The following ARB2A variants were observed in gnomAD, a reference collection of about 807,000 sequenced individuals.
ARB2A encodes ARB2 cotranscriptional regulator A.
At chr5:93,770,972 C>T in the ARB2A span, among the ~76,000 whole-genome samples, 2 of 151,982 alleles carry the variant, frequency 1.3e-5, no homozygotes, top group African/African-American at 2.4e-5. Flanking sequence ...TCATATGGAA[C>T]CAAAAAAGAG....
chr5:94,099,441 G>A, the ARB2A span, among the ~76,000 whole-genome samples: 1 of 151,420 alleles, frequency 6.6e-6, no homozygotes, highest in African/African-American at 2.4e-5. Context: ...TGGCTAACAC[G>A]GAGAAACCCC....
chr5:93,960,081 G>GCC, the ARB2A span, among the ~76,000 whole-genome samples: 34 of 39,074 alleles, frequency 8.7e-4, 1 homozygote, highest in African/African-American at 1.2e-3. Flanking sequence ...AACTCTAGAT[G>GCC]CCCCCCCCCC....
chr5:93,853,869 A>T, the ARB2A span, among the ~76,000 whole-genome samples: 11 of 152,280 alleles, frequency 7.2e-5, no homozygotes, highest in Admixed American at 1.3e-4. Context: ...CCAGTATTTT[A>T]TTGAGGATTT....
At chr5:93,915,110 G>C in the ARB2A span, among the ~76,000 whole-genome samples, 7 of 151,926 alleles carry the variant, frequency 4.6e-5, no homozygotes, top group African/African-American at 1.7e-4. Context: ...ATCGTTTACA[G>C]AATTAGTAAC....
the ARB2A span, among the ~76,000 whole-genome samples, chr5:94,069,401 T>G: frequency 6.6e-6 from 1 of 152,130 alleles, no homozygotes; most frequent in Non-Finnish European, 1.5e-5. Context: ...GGTTAAAGCC[T>G]TTTGAGAAAG....
chr5:93,795,848 C>CAAAAAAAAAAAAAA, the ARB2A span, among the ~76,000 whole-genome samples: 1 of 96,954 alleles, frequency 1.0e-5, no homozygotes. Flanking sequence ...TATTGAAAAG[C>CAAAAAAAAAAAAAA]AAAAAAAAAA....
chr5:94,072,638 G>C, the ARB2A span, among the ~76,000 whole-genome samples: 2 of 151,958 alleles, frequency 1.3e-5, no homozygotes, highest in Non-Finnish European at 2.9e-5. Context: ...CGAACTAAGA[G>C]GACTAGATAC....
chr5:94,014,319 T>C, the ARB2A span, among the ~76,000 whole-genome samples: 88 of 152,186 alleles, frequency 5.8e-4, no homozygotes, highest in Non-Finnish European at 1.0e-3. Context: ...AATCATTTAC[T>C]GGAACTGAGG....
chr5:93,792,045 G>A, the ARB2A span, among the ~76,000 whole-genome samples: 4 of 151,954 alleles, frequency 2.6e-5, no homozygotes, highest in East Asian at 3.9e-4. Context: ...AGGGGAAGGC[G>A]ACTGTTTGAA....
chr5:93,667,526 G>A, the ARB2A span, among the ~76,000 whole-genome samples: 9 of 152,110 alleles, frequency 5.9e-5, 1 homozygote, highest in Non-Finnish European at 5.9e-5. Flanking sequence ...TGTGATCATC[G>A]TTCACTGCAG....
chr5:93,824,963 G>T, the ARB2A span, among the ~76,000 whole-genome samples: 1 of 152,176 alleles, frequency 6.6e-6, no homozygotes, highest in Non-Finnish European at 1.5e-5. Context: ...CTTTGATCTT[G>T]ACCAGTCAGA....
chr5:93,934,777 G>C, the ARB2A span, among the ~76,000 whole-genome samples: 1 of 152,164 alleles, frequency 6.6e-6, no homozygotes, highest in African/African-American at 2.4e-5. Flanking sequence ...ATACTCAGGG[G>C]GAAAGAGTGG....
the ARB2A span, among the ~76,000 whole-genome samples, chr5:93,797,393 A>G: frequency 6.6e-6 from 1 of 152,164 alleles, no homozygotes; most frequent in African/African-American, 2.4e-5. Flanking sequence ...CATGAGTATG[A>G]AATAATTCAA....
the ARB2A span, among the ~76,000 whole-genome samples, chr5:93,888,715 A>G: frequency 1.3e-5 from 2 of 151,878 alleles, no homozygotes; most frequent in African/African-American, 4.8e-5. Flanking sequence ...TTTAACGATT[A>G]CAGTACCCAA....
chr5:93,668,192 C>T, the ARB2A span, among the ~76,000 whole-genome samples: 1 of 152,208 alleles, frequency 6.6e-6, no homozygotes. Flanking sequence ...CAACCACCAC[C>T]TCCTGGGTTC....
chr5:93,651,615 A>G, the ARB2A span, among the ~76,000 whole-genome samples: 2 of 152,212 alleles, frequency 1.3e-5, no homozygotes, highest in African/African-American at 2.4e-5. Context: ...CTAATCTACA[A>G]GAGTGAATGC....
the ARB2A span, among the ~76,000 whole-genome samples, chr5:93,982,359 C>T: frequency 2.6e-5 from 4 of 152,126 alleles, no homozygotes; most frequent in Admixed American, 2.6e-4. Flanking sequence ...TATACTGCAT[C>T]CTATTTACTT....
chr5:94,008,072 C>A, the ARB2A span, among the ~76,000 whole-genome samples: 1 of 152,102 alleles, frequency 6.6e-6, no homozygotes, highest in African/African-American at 2.4e-5. Context: ...TACATTCACA[C>A]AACACCAAAG....
At chr5:93,997,227 T>C in the ARB2A span, among the ~76,000 whole-genome samples, 4 of 152,008 alleles carry the variant, frequency 2.6e-5, no homozygotes, top group African/African-American at 9.7e-5. Context: ...TTTGAGCACC[T>C]TGTCAGCCTC....
Sources: allele counts gnomAD v4.1 joint callset (sites outside exome capture counted in the v4.1 genomes callset), GRCh38; gene constraint gnomAD v4.1.1; transcripts MANE v1.5; gene names NCBI Gene and HGNC (gene_info 2026-07-23, HGNC 2026-07-21).